The following SHF variants were observed in gnomAD, a reference collection of about 807,000 sequenced individuals.
The protein encoded by SHF is SH2 domain-containing adapter protein F.
SHF carries 30 observed loss-of-function variants against 42.4 expected under a neutral mutation model. The ratio of observed to expected loss-of-function variants is 0.71; its 90% CI spans 0.53 to 0.96. SHF has a LOEUF of 0.96. Ranked by LOEUF, SHF falls within the 40% of genes least tolerant of loss-of-function variation. SHF has a pLI of 0.00. For synonymous variants in SHF, 264 were observed against 269.9 expected (o/e 0.98, Z 0.21); for missense variants, 598 against 634.0 (o/e 0.94, Z 0.61).
chr15:45,195,575 A>T (rs1370431070), intron 2 of SHF, among the ~76,000 whole-genome samples: 1 of 151,746 alleles, frequency 6.6e-6, no homozygotes, highest in Non-Finnish European at 1.5e-5. Flanking sequence ...CTATTTTTTT[A>T]AATAAATTTA....
chr15:45,199,207 C>T (rs1567043893), intron 1 of SHF: 1 of 1,042,628 alleles, frequency 9.6e-7, no homozygotes, highest in African/African-American at 1.6e-5. Flanking sequence ...CTCTCATACT[C>T]CCCTGACAGC....
intron 1 of SHF, among the ~76,000 whole-genome samples, chr15:45,182,178 C>A (rs1474951483): frequency 6.6e-6 from 1 of 152,250 alleles, no homozygotes; most frequent in African/African-American, 2.4e-5. Flanking sequence ...CCCTGACCCC[C>A]ACCACGGGGC....
intron 2 of SHF, 137 bp from the exon 3 acceptor site, chr15:45,175,562 C>T: frequency 1.2e-6 from 1 of 840,996 alleles, no homozygotes; most frequent in African/African-American, 1.7e-5. Flanking sequence ...TCAGCAACCA[C>T]ACATCCTGGG....
chr15:45,200,016 C>T lies in SHF; in HGVS notation c.-47+711G>A, dbSNP rs1332737938. ...AAAAGATTTTTCCTTTTCAAGACTC[C>T]CTTCAAGCCTCTGTACACGAAATCA... On this transcript the variant is annotated intron_variant, in intron 1 of 7. Coordinates refer to the SHF transcript ENST00000290894. 2.0e-5 allele frequency: 3 copies of T among 149,266 alleles called. No homozygotes were observed. In the East Asian group the frequency reaches 5.9e-4, roughly 29 times the overall value. 9.2% of individuals were successfully genotyped at this position (149,266 alleles called of 1,614,324 possible). A position where few individuals can be genotyped will look rare whatever the true frequency, so the allele number is the denominator to read the frequency against.
intron 1 of SHF, chr15:45,199,184 A>G (rs746026274): frequency 3.6e-5 from 45 of 1,246,294 alleles, no homozygotes; most frequent in Admixed American, 5.8e-5. Context: ...CCCAACACCC[A>G]CTTCCTTCCA....
chr15:45,170,405 G>A (rs1299054880), intron 6 of SHF: 1 of 1,288,602 alleles, frequency 7.8e-7, no homozygotes, highest in Non-Finnish European at 1.0e-6. Flanking sequence ...CTGAGGTTAT[G>A]TAAATCAAAT....
intron 1 of SHF, among the ~76,000 whole-genome samples, chr15:45,200,131 A>T (rs553655729): frequency 8.5e-5 from 13 of 152,220 alleles, no homozygotes; most frequent in African/African-American, 3.1e-4. Context: ...TATCATTAGG[A>T]ATCCGCTCCC....
intron 1 of SHF, among the ~76,000 whole-genome samples, chr15:45,182,226 C>T (rs1277856957): frequency 6.6e-6 from 1 of 152,180 alleles, no homozygotes; most frequent in African/African-American, 2.4e-5. Context: ...AAGAGGGGCA[C>T]ACGTTACAAT....
At chr15:45,193,411 TG>T (rs1010711785) in intron 2 of SHF, among the ~76,000 whole-genome samples, 10 of 152,078 alleles carry the variant, frequency 6.6e-5, no homozygotes, top group African/African-American at 2.4e-4. Flanking sequence ...GAGAGACAAA[TG>T]GTTGTATTCT....
upstream of SHF, among the ~76,000 whole-genome samples, chr15:45,191,036 G>T (rs529536955): frequency 1.3e-5 from 2 of 152,074 alleles, no homozygotes; most frequent in South Asian, 4.2e-4. Flanking sequence ...CTGAGAATTG[G>T]GTGGAATTTT....
rs952101724 is a variant in SHF at position 45,195,563 on chromosome 15, G to A, written c.303+3209C>T. The stretch of plus-strand genomic sequence containing the variant: ...CTCAGGCCACATTCTTTTATTTAAA[G>A]TCTATTTTTTTAAATAAATTTAATA... On this transcript the variant is annotated intron_variant, in intron 2 of 7. Coordinates refer to the SHF transcript ENST00000290894. Among the ~76,000 whole-genome samples, 4 of 151,628 alleles carry A rather than the reference G, an allele frequency of 2.6e-5. No individual in the cohort carries two copies. The South Asian group carries it at 8.3e-4, about 32-fold the overall frequency.
chr15:45,187,716 G>A lies in SHF; in HGVS notation c.236C>T (p.Pro79Leu), dbSNP rs1898514119. ...GGGGGGCGCGGCCGGAGAGGGCGCA[G>A]GGGGGCGGTAGTCGGGCTCGGGGGG... ...PAPPEPDYRP[P>L]APSPAAPPAP... Residue 79 changes from proline (P) to leucine (L), a missense_variant, in exon 1 of 7, where the codon CCT becomes CTT. Physicochemically the swap from Pro to Leu is moderately conservative, Grantham distance 98 (BLOSUM62 -3). This residue lies in a region of SHF where 159 missense variants were observed against 109.3 expected (regional missense o/e 1.45). Transcript: ENST00000690270. The A allele has an allele frequency of 9.1e-7, 1 of 1,099,952 alleles. No individual in the cohort carries two copies. Among genetic ancestry groups the A allele is most frequent in the Non-Finnish European group, 1.1e-6 (1 of 870,146 alleles). 68.1% of individuals were successfully genotyped at this position (1,099,952 alleles called of 1,614,324 possible).
intron 1 of SHF, among the ~76,000 whole-genome samples, chr15:45,199,430 A>AT (rs1165513784): frequency 2.6e-5 from 4 of 152,200 alleles, no homozygotes; most frequent in Non-Finnish European, 5.9e-5. Flanking sequence ...TTAACAAGTG[A>AT]ATTCCAGAGA....
At chr15:45,201,028 G>T in exon 1 of SHF, 1 of 353,122 alleles carries the variant, frequency 2.8e-6, no homozygotes, top group South Asian at 2.1e-5. Context: ...CTGCTCTTGC[G>T]GGTGAACGTG....
At chr15:45,186,088 T>C (rs1336629684) in intron 1 of SHF, among the ~76,000 whole-genome samples, 2 of 152,202 alleles carry the variant, frequency 1.3e-5, no homozygotes, top group African/African-American at 4.8e-5. Flanking sequence ...GAACAGGGCC[T>C]ATCCCTCTCC....
intron 1 of SHF, chr15:45,199,229 C>T: frequency 1.2e-6 from 1 of 852,970 alleles, no homozygotes; most frequent in Non-Finnish European, 1.7e-6. Context: ...CTGACTCCTC[C>T]TGACTCCTCC....
chr15:45,175,453 G>C, intron 2 of SHF, 28 bp from the exon 3 acceptor site: 5 of 1,555,368 alleles, frequency 3.2e-6, no homozygotes, highest in Non-Finnish European at 4.4e-6. Context: ...GAAGGGAAAG[G>C]TGAGGGTTCA....
intron 3 of SHF, 144 bp downstream of exon 3, chr15:45,175,075 C>T: frequency 1.1e-6 from 1 of 875,292 alleles, no homozygotes; most frequent in Non-Finnish European, 1.7e-6. Flanking sequence ...AACCCCACCC[C>T]CTATGGTACA....
At chr15:45,170,649 T>TTC (rs1277888697) in intron 6 of SHF, 25 of 270,028 alleles carry the variant, frequency 9.3e-5, no homozygotes, top group African/African-American at 5.9e-4. Context: ...CTTTTTCTTT[T>TTC]TTTTTTTTTT....
Sources: gnomAD v4.1 joint callset for allele counts (sites outside exome capture counted in the v4.1 genomes callset) on GRCh38, gnomAD v4.1.1 for gene constraint, gnomAD v4.1.1 regional missense constraint, MANE v1.5 for transcripts, NCBI Gene and HGNC (gene_info 2026-07-23, HGNC 2026-07-21) for gene names.